ZNF366: variants seen among roughly 807,000 people sequenced by gnomAD.
ZNF366 encodes dendritic cell-specific transcript protein.
ZNF366 carries 20 observed loss-of-function variants against 47.2 expected under a neutral mutation model. That is an observed-to-expected ratio of 0.42 (90% CI 0.30 to 0.62). The LOEUF (loss-of-function observed/expected upper bound fraction) is 0.62. Ranked by LOEUF, ZNF366 falls within the 20% of genes least tolerant of loss-of-function variation. The pLI is 0.16. For missense variants in ZNF366, 987 were observed against 976.3 expected, an observed-to-expected ratio of 1.01 and a Z score of -0.15; for synonymous variants, 421 against 395.1, an observed-to-expected ratio of 1.07 and a Z score of -0.78.
At position 72,461,421 on chromosome 5, in the gene ZNF366, G is replaced by A. The variant is rs73104492; in HGVS notation, c.76C>T (p.Pro26Ser). ...GAAGCCACTGGCTGCAGGCAGTGGG[G>A]AAAGGAGGGGGTCTTCTTCACAGCC... Reference protein sequence around the residue: ...DLAVKKTPSFPHCLQPVASRG... With the variant: ...DLAVKKTPSFSHCLQPVASRG... Residue 26 changes from proline (P) to serine (S), a missense_variant, in exon 2 of 5, where the codon CCC (proline) becomes TCC (serine). Physicochemically the swap from Pro to Ser is moderately conservative, Grantham distance 74. Transcript: ENST00000318442. The A allele has an allele frequency of 8.6e-3, 13,847 of 1,611,418 alleles. 784 individuals are homozygous for A. The African/African-American group carries it at 0.13, about 16-fold the overall frequency.
At chr5:72,495,985 T>C (rs1175814818) in intron 1 of ZNF366, among the ~76,000 whole-genome samples, 1 of 152,174 alleles carries the variant, frequency 6.6e-6, no homozygotes, top group Non-Finnish European at 1.5e-5. Flanking sequence ...ATACACTTTT[T>C]TTTTTTTACA....
At chr5:72,452,997 C>T (rs1053920472) in intron 3 of ZNF366, among the ~76,000 whole-genome samples, 29 of 151,974 alleles carry the variant, frequency 1.9e-4, no homozygotes, top group African/African-American at 6.8e-4. Context: ...GCAAAAGAGC[C>T]GAGAAGGGCA....
chr5:72,463,608 T>C (rs1362175468), intron 1 of ZNF366, among the ~76,000 whole-genome samples: 1 of 152,164 alleles, frequency 6.6e-6, no homozygotes, highest in Non-Finnish European at 1.5e-5. Flanking sequence ...GGCCAGGCAA[T>C]TGTAGGAAGT....
intron 1 of ZNF366, among the ~76,000 whole-genome samples, chr5:72,497,272 CACTT>C (rs1744133370): frequency 6.6e-6 from 1 of 152,176 alleles, no homozygotes; most frequent in African/African-American, 2.4e-5. Flanking sequence ...AAAGTTCTAA[CACTT>C]ACATTCAGGC....
intron 1 of ZNF366, among the ~76,000 whole-genome samples, chr5:72,498,231 C>T (rs1170413387): frequency 6.6e-6 from 1 of 152,072 alleles, no homozygotes; most frequent in Admixed American, 6.5e-5. Flanking sequence ...TTAAGTCTTT[C>T]ATCTATCTGG....
chr5:72,495,115 G>A (rs1446678785), intron 1 of ZNF366, among the ~76,000 whole-genome samples: 3 of 152,026 alleles, frequency 2.0e-5, no homozygotes, highest in African/African-American at 7.2e-5. Flanking sequence ...CCTTTGGGTT[G>A]TTGCATGAAA....
In ZNF366 at chr5:72,461,520, G is replaced by A; in HGVS notation, c.-14-10C>T. 6.6e-7 allele frequency: 1 copy of A among 1,522,450 alleles called. No homozygotes were observed. The highest frequency in any genetic ancestry group is 8.8e-7 in the Non-Finnish European group (1 of 1,138,104). 94.3% of individuals were successfully genotyped at this position (1,522,450 alleles called of 1,614,324 possible). A position where few individuals can be genotyped will look rare whatever the true frequency, so the allele number is the denominator to read the frequency against. On this transcript the variant is annotated splice_polypyrimidine_tract_variant and intron_variant, in intron 1 of 4. Transcript: ENST00000318442. The stretch of plus-strand genomic sequence containing the variant: ...ATCCTTGGCAATTTTCCTTTAAAGA[G>A]AAAGAAACTTGTGTGTTTTGGTTTG...
At position 72,460,867 on chromosome 5, in the gene ZNF366, T is replaced by C; in HGVS notation, c.630A>G (p.Glu210=). The stretch of plus-strand genomic sequence containing the variant: ...GCTCGGCTTTCCGGGGCAGCAGAGG[T>C]TCCGGGGGCTGCTTGGGCAGGAAGG... ...RHTFLPKQPP[E]PLLPRKAEPQ... is the part of the protein sequence containing the mutation. Residue 210 remains glutamate (E), a synonymous_variant, in exon 2 of 5, where the codon GAA becomes GAG. Transcript: ENST00000318442. 1 of 1,613,784 alleles carries C rather than the reference T, an allele frequency of 6.2e-7. No homozygotes were observed. Among genetic ancestry groups the C allele is most frequent in the South Asian group, 1.1e-5 (1 of 91,062 alleles).
intron 1 of ZNF366, among the ~76,000 whole-genome samples, chr5:72,476,620 G>A (rs1743679495): frequency 6.6e-6 from 1 of 152,182 alleles, no homozygotes; most frequent in African/African-American, 2.4e-5. Flanking sequence ...GAGTTGATGA[G>A]GCACAGCCAT....
At chr5:72,462,970 T>C (rs1743357960) in intron 1 of ZNF366, among the ~76,000 whole-genome samples, 1 of 152,240 alleles carries the variant, frequency 6.6e-6, no homozygotes, top group African/African-American at 2.4e-5. Flanking sequence ...ATCAATCCCT[T>C]TTGCTCATCA....
chr5:72,472,475 A>C, intron 1 of ZNF366: 1 of 870,310 alleles, frequency 1.1e-6, no homozygotes, highest in Non-Finnish European at 1.4e-6. Context: ...CCAGTGCCAC[A>C]GCCTTCCCTA....
chr5:72,458,770 G>A (rs1017445513), intron 2 of ZNF366, among the ~76,000 whole-genome samples: 6 of 152,164 alleles, frequency 3.9e-5, no homozygotes, highest in African/African-American at 1.4e-4. Flanking sequence ...TATAGCAAGT[G>A]TTCAACAAAT....
chr5:72,456,265 A>G (rs1580234705), intron 3 of ZNF366, 139 bp downstream of exon 3: 1 of 817,912 alleles, frequency 1.2e-6, no homozygotes, highest in Admixed American at 2.4e-5. Flanking sequence ...AGAGTGGCAG[A>G]TGGGACCTGG....
At chr5:72,449,836 C>T (rs1450373508) in intron 3 of ZNF366, among the ~76,000 whole-genome samples, 7 of 152,194 alleles carry the variant, frequency 4.6e-5, no homozygotes, top group Non-Finnish European at 7.4e-5. Flanking sequence ...AACATAGCCA[C>T]GGAAGAATTG....
chr5:72,471,038 A>G (rs1206766165), intron 1 of ZNF366, among the ~76,000 whole-genome samples: 1 of 152,238 alleles, frequency 6.6e-6, no homozygotes, highest in Non-Finnish European at 1.5e-5. Flanking sequence ...ATGCAACCAC[A>G]GAGTAAAACA....
At chr5:72,493,306 C>G (rs1165607394) in intron 1 of ZNF366, among the ~76,000 whole-genome samples, 3 of 152,220 alleles carry the variant, frequency 2.0e-5, no homozygotes, top group African/African-American at 7.2e-5. Context: ...ATCATCACAG[C>G]ACCCTCTGAG....
chr5:72,458,306 G>A (rs1391206704), intron 2 of ZNF366, among the ~76,000 whole-genome samples: 1 of 152,122 alleles, frequency 6.6e-6, no homozygotes. Context: ...GTGAGCCACC[G>A]CGCCCGGCCA....
At chr5:72,479,300 C>T (rs1374580790) in intron 1 of ZNF366, among the ~76,000 whole-genome samples, 1 of 152,084 alleles carries the variant, frequency 6.6e-6, no homozygotes, top group Admixed American at 6.5e-5. Context: ...TTGTGGCTTA[C>T]ACCTGTAATC....
At chr5:72,463,960 G>A (rs1004586764) in intron 1 of ZNF366, among the ~76,000 whole-genome samples, 2 of 152,076 alleles carry the variant, frequency 1.3e-5, no homozygotes, top group Non-Finnish European at 1.5e-5. Flanking sequence ...GAACACAGTC[G>A]GTTTATAACC....
Sources: gnomAD v4.1 joint callset for allele counts (sites outside exome capture counted in the v4.1 genomes callset) on GRCh38, gnomAD v4.1.1 for gene constraint, MANE v1.5 for transcripts, NCBI Gene and HGNC (gene_info 2026-07-23, HGNC 2026-07-21) for gene names.